Variants in RALY observed in about 807,000 individuals in gnomAD.
RALY encodes the protein RALY heterogeneous nuclear ribonucleoprotein, also known as RNA-binding protein Raly.
RALY carries 15 observed loss-of-function variants against 30.7 expected under a neutral mutation model. The ratio of observed to expected loss-of-function variants is 0.49; its 90% CI spans 0.33 to 0.75. The LOEUF (loss-of-function observed/expected upper bound fraction) is 0.75. Ranked by LOEUF, RALY falls within the 30% of genes least tolerant of loss-of-function variation. RALY has a pLI of 0.02. For synonymous variants in RALY, 177 were observed against 170.8 expected (o/e 1.04, Z -0.28); for missense variants, 339 against 414.3 (o/e 0.82, Z 1.58).
chr20:33,995,190 A>T (rs1457058007), intron 1 of RALY, among the ~76,000 whole-genome samples: 2 of 152,192 alleles, frequency 1.3e-5, no homozygotes, highest in Non-Finnish European at 2.9e-5. Flanking sequence ...ATAGTTCTAA[A>T]GGGAAAGGTT....
chr20:34,042,624 T>G (rs2032742378), intron 2 of RALY, among the ~76,000 whole-genome samples: 1 of 152,182 alleles, frequency 6.6e-6, no homozygotes, highest in South Asian at 2.1e-4. Flanking sequence ...GTTTAACTGA[T>G]TAATGTGGAA....
rs767010991 is a variant in RALY at position 34,072,147 on chromosome 20, A to G, written c.73A>G (p.Ile25Val). 1.9e-6 allele frequency: 3 copies of G among 1,614,252 alleles called. No homozygotes were observed. The highest frequency in any genetic ancestry group is 1.7e-6 in the Non-Finnish European group (2 of 1,180,044). Residue 25 changes from isoleucine to valine, a missense_variant, in exon 3 of 10, where the codon ATT becomes GTT. Coordinates refer to ENST00000246194, the MANE Select transcript of RALY (RefSeq NM_016732.3). ...CAAGTCCATCAACTCTCGAGTCTTC[A>G]TTGGAAACCTCAACACAGCTCTGGT... is the stretch of plus-strand genomic sequence containing the variant. ...DPKSINSRVFIGNLNTALVKK... is the reference protein window; with the variant it reads ...DPKSINSRVFVGNLNTALVKK...
At chr20:34,039,072 CT>C (rs2032602618) in intron 2 of RALY, among the ~76,000 whole-genome samples, 1 of 152,164 alleles carries the variant, frequency 6.6e-6, no homozygotes, top group Admixed American at 6.5e-5. Context: ...TCTTCCTGTT[CT>C]GTGTCTCCAA....
In RALY at chr20:34,084,430, G is replaced by T. The variant is rs2034072799; in HGVS notation, c.*4525G>T. ...GGAGAATCCCCAAAAGGAGAGCAAG[G>T]CTTGGCTAACAAAAACAGGCATCCA... On this transcript the variant is annotated 3_prime_UTR_variant, in exon 10 of 10. Coordinates refer to ENST00000246194, the MANE Select transcript of RALY (RefSeq NM_016732.3). 1 of 152,282 alleles carries T rather than the reference G, an allele frequency of 6.6e-6. No homozygotes were observed. Among genetic ancestry groups the T allele is most frequent in the Admixed American group, 6.5e-5 (1 of 15,284 alleles). The allele number at this position is 152,282 out of a possible 1,614,324, so 9.4% of individuals were successfully genotyped here.
At chr20:34,053,383 A>ATTT (rs60912814) in intron 2 of RALY, among the ~76,000 whole-genome samples, 3,843 of 54,158 alleles carry the variant, frequency 0.071, 699 homozygotes, top group East Asian at 0.17. Flanking sequence ...ATGTTCAATA[A>ATTT]TTTTTTTTTT....
chr20:34,018,929 A>C (rs13043392), intron 1 of RALY, among the ~76,000 whole-genome samples: 39,846 of 152,064 alleles, frequency 0.26, 6,686 homozygotes, highest in Non-Finnish European at 0.36. Flanking sequence ...TGTACTTGTT[A>C]GAAGGCTGTC....
intron 2 of RALY, among the ~76,000 whole-genome samples, chr20:34,036,230 A>C (rs137977486): frequency 6.6e-6 from 1 of 152,180 alleles, no homozygotes; most frequent in Admixed American, 6.5e-5. Context: ...AGCCTTCCTT[A>C]CTTTGTTCCC....
At chr20:34,060,304 A>G (rs1474219837) in intron 2 of RALY, among the ~76,000 whole-genome samples, 1 of 152,208 alleles carries the variant, frequency 6.6e-6, no homozygotes, top group African/African-American at 2.4e-5. Flanking sequence ...AAAATTGGAA[A>G]CTTTCTGAGT....
chr20:34,020,962 A>G (rs1489549104), intron 1 of RALY, among the ~76,000 whole-genome samples: 1 of 148,806 alleles, frequency 6.7e-6, no homozygotes, highest in South Asian at 2.1e-4. Context: ...TTTTTTTTTT[A>G]ATTAGTTTAT....
intron 2 of RALY, 25 bp from the exon 3 acceptor site, chr20:34,072,041 C>A: frequency 6.2e-7 from 1 of 1,607,100 alleles, no homozygotes; most frequent in Non-Finnish European, 8.5e-7. Context: ...AGGGACCCAG[C>A]TTCACCGAGG....
At chr20:34,050,043 G>C (rs79172142) in intron 2 of RALY, among the ~76,000 whole-genome samples, 1 of 152,122 alleles carries the variant, frequency 6.6e-6, no homozygotes, top group South Asian at 2.1e-4. Flanking sequence ...ATGTGCGCCC[G>C]TGCTCCCATC....
chr20:34,071,435 G>A (rs535153049), intron 2 of RALY, among the ~76,000 whole-genome samples: 2 of 151,918 alleles, frequency 1.3e-5, no homozygotes, highest in East Asian at 3.9e-4. Flanking sequence ...CCGCCACCAC[G>A]CCTGGCTAAT....
rs78777887 is a variant in RALY, at chr20:34,019,021, G to T, written c.-92-12501G>T. Among the ~76,000 whole-genome samples the T allele has an allele frequency of 1.9e-3, 290 of 152,246 alleles. 1 individual carries two copies. The East Asian group carries it at 0.025, about 13-fold the overall frequency. On this transcript the variant is annotated intron_variant, in intron 1 of 9. Coordinates refer to ENST00000246194, the MANE Select transcript of RALY (RefSeq NM_016732.3). ...ACAGTTTGAGCCCAGGGACAAGGAG[G>T]TCTAAAAATAGGATCCCTCGGCCGG...
In RALY at chr20:34,019,790, G is replaced by A. The variant is rs1198554931; in HGVS notation, c.-92-11732G>A. On this transcript the variant is annotated intron_variant, in intron 1 of 9. Coordinates refer to ENST00000246194, the MANE Select transcript of RALY (RefSeq NM_016732.3). ...GTAGATAGGAAGCTTGGCCGGGCGC[G>A]GTGGCTCACGCCTGTAATCCCAGCA... 3.3e-5 allele frequency among the ~76,000 whole-genome samples: 5 copies of A among 152,258 alleles called. No homozygotes were observed. In the East Asian group the frequency reaches 7.7e-4, roughly 24 times the overall value.
chr20:34,072,929 AGTGTGTGTGTGT>A (rs3835232), intron 3 of RALY, among the ~76,000 whole-genome samples: 9 of 149,010 alleles, frequency 6.0e-5, no homozygotes, highest in Non-Finnish European at 8.9e-5. Context: ...GTATAGATGT[AGTGTGTGTGTGT>A]GTGTGTGTGT....
At chr20:34,028,327 A>G (rs1272498893) in intron 1 of RALY, among the ~76,000 whole-genome samples, 1 of 151,778 alleles carries the variant, frequency 6.6e-6, no homozygotes, top group African/African-American at 2.4e-5. Flanking sequence ...CTAGGTCTCC[A>G]TTCTTCAGAA....
chr20:34,035,278 G>A (rs1485916650), intron 2 of RALY, among the ~76,000 whole-genome samples: 1 of 151,306 alleles, frequency 6.6e-6, no homozygotes, highest in Non-Finnish European at 1.5e-5. Context: ...AATTTCTGTG[G>A]TAGTTTTGGG....
chr20:34,067,330 AT>A (rs77254001), intron 2 of RALY, among the ~76,000 whole-genome samples: 201 of 146,260 alleles, frequency 1.4e-3, no homozygotes, highest in Non-Finnish European at 1.3e-3. Flanking sequence ...TGCCCGGCTA[AT>A]TTTTTTTTTT....
intron 1 of RALY, among the ~76,000 whole-genome samples, chr20:34,022,777 G>T (rs1000877682): frequency 2.6e-5 from 4 of 152,134 alleles, no homozygotes; most frequent in Non-Finnish European, 1.5e-5. Context: ...TTCATTTCAT[G>T]TCTCTGGCCC....
Sources: allele counts gnomAD v4.1 joint callset (sites outside exome capture counted in the v4.1 genomes callset), GRCh38; gene constraint gnomAD v4.1.1; transcripts MANE v1.5; gene names NCBI Gene and HGNC (gene_info 2026-07-23, HGNC 2026-07-21).